NIPSNAP1: variants seen among roughly 807,000 people sequenced by gnomAD.
NIPSNAP1 encodes nipsnap homolog 1, also known as protein NipSnap homolog 1.
Under a neutral mutation model 49.2 loss-of-function variants are expected in NIPSNAP1, and 25 were observed. That is an observed-to-expected ratio of 0.51 (90% CI 0.37 to 0.71). The LOEUF is 0.71. Among genes scored for constraint, NIPSNAP1 ranks in the 30% least tolerant of loss-of-function variants. NIPSNAP1 has a pLI of 0.00. For synonymous variants in NIPSNAP1, 143 were observed against 140.7 expected (o/e 1.02, Z -0.12); for missense variants, 294 against 361.0 (o/e 0.81, Z 1.50).
rs2064289561 is a variant in NIPSNAP1 at position 29,555,764 on chromosome 22, G to A, written c.*171C>T. 1.5e-6 allele frequency: 1 copy of A among 685,960 alleles called. No individual in the cohort carries two copies. Among genetic ancestry groups the A allele is most frequent in the African/African-American group, 1.8e-5 (1 of 56,782 alleles). 42.5% of individuals were successfully genotyped at this position (685,960 alleles called of 1,614,324 possible). A position where few individuals can be genotyped will look rare whatever the true frequency, so the allele number is the denominator to read the frequency against. On this transcript the variant is annotated 3_prime_UTR_variant, in exon 10 of 10. Transcript: ENST00000216121. ...GGAAAGTAGAAAGGGCCTGGGCAGA[G>A]CTGTAATCCTCAGAACTTGTCAGCC...
At chr22:29,556,126 C>T (rs1002843622) in intron 9 of NIPSNAP1, 127 bp from the exon 10 acceptor site, 11 of 743,256 alleles carry the variant, frequency 1.5e-5, no homozygotes, top group Admixed American at 2.2e-5. Context: ...ACAGGAATGT[C>T]CCATTGCCCT....
intron 1 of NIPSNAP1, chr22:29,580,359 G>A: frequency 1.3e-6 from 1 of 792,182 alleles, no homozygotes; most frequent in Non-Finnish European, 1.5e-6. Context: ...CCCAGGCTGA[G>A]AGCACATGGC....
chr22:29,564,325 T>C (rs1394905737), intron 4 of NIPSNAP1: 1 of 470,606 alleles, frequency 2.1e-6, no homozygotes, highest in Non-Finnish European at 4.4e-6. Context: ...CCAAAGGAAA[T>C]GGCAAAAGTA....
In NIPSNAP1 at chr22:29,581,102, C is replaced by A. The variant is rs546245499; in HGVS notation, c.-20G>T. 7.2e-5 allele frequency: 111 copies of A among 1,538,950 alleles called. No homozygotes were observed. In the South Asian group the frequency reaches 1.3e-3, roughly 17 times the overall value. On this transcript the variant is annotated 5_prime_UTR_variant, in exon 1 of 10. Coordinates refer to ENST00000216121, the MANE Select transcript of NIPSNAP1 (RefSeq NM_003634.4). ...AGCCATGTTGGAGCCGCAAAGGTTG[C>A]AGGAAGGCCCCGCCCCCAAGCCCTG...
chr22:29,565,058 C>T (rs1387588147), intron 4 of NIPSNAP1, among the ~76,000 whole-genome samples: 3 of 151,882 alleles, frequency 2.0e-5, no homozygotes, highest in Non-Finnish European at 4.4e-5. Context: ...AAACAACTAG[C>T]CCAGGCATGG....
Position 29,569,438 on chromosome 22 carries a change from T to C in NIPSNAP1, c.273-151A>G, listed in dbSNP as rs1329919387. The C allele has an allele frequency of 1.7e-5, 12 of 688,892 alleles. No homozygotes were observed. In the Admixed American group the frequency reaches 2.2e-4, roughly 13 times the overall value. The allele number at this position is 688,892 out of a possible 1,614,324, so 42.7% of individuals were successfully genotyped here. A position where few individuals can be genotyped will look rare whatever the true frequency, so the allele number is the denominator to read the frequency against. On this transcript the variant is annotated intron_variant, in intron 3 of 9. Coordinates refer to ENST00000216121, the MANE Select transcript of NIPSNAP1 (RefSeq NM_003634.4). ...AGCTAGGCAAGAGGCCCTCAGGACT[T>C]CCGACACTGAAATTTACATCCTGGC...
At chr22:29,559,128 A>G (rs2064316368) in intron 8 of NIPSNAP1, among the ~76,000 whole-genome samples, 175 bp from the exon 9 acceptor site, 1 of 152,196 alleles carries the variant, frequency 6.6e-6, no homozygotes, top group Non-Finnish European at 1.5e-5. Flanking sequence ...CAATCAGTAC[A>G]TATGTTAATA....
Position 29,559,481 on chromosome 22 carries a change from G to T in NIPSNAP1, c.707-528C>A, listed in dbSNP as rs1032243428. Among the ~76,000 whole-genome samples the T allele has an allele frequency of 5.3e-5, 8 of 152,010 alleles. No individual in the cohort carries two copies. In the South Asian group the frequency reaches 1.7e-3, roughly 32 times the overall value. On this transcript the variant is annotated intron_variant, in intron 8 of 9. Transcript: ENST00000216121. Reference sequence around the variant, plus strand: ...GAACTTGGGAAGCGGAGGTTGCAGTGAGCTGAGATCACACTACTGCACTCC... The same window carrying T: ...GAACTTGGGAAGCGGAGGTTGCAGTTAGCTGAGATCACACTACTGCACTCC...
chr22:29,561,076 A>T lies in NIPSNAP1; in HGVS notation c.611+95T>A, dbSNP rs1464861451. 3 of 1,192,112 alleles carry T rather than the reference A, an allele frequency of 2.5e-6. No homozygotes were observed. The African/African-American group carries it at 4.5e-5, about 18-fold the overall frequency. The allele number at this position is 1,192,112 out of a possible 1,614,324, so 73.8% of individuals were successfully genotyped here. On this transcript the variant is annotated intron_variant, in intron 7 of 9. Coordinates refer to ENST00000216121, the MANE Select transcript of NIPSNAP1 (RefSeq NM_003634.4). Reference sequence around the variant, plus strand: ...GGCAGAAGGTAAAGAGTTCCCTGTGATATGGCCCTGGAAAAGGTGGCCCAC... The same window carrying T: ...GGCAGAAGGTAAAGAGTTCCCTGTGTTATGGCCCTGGAAAAGGTGGCCCAC...
In NIPSNAP1 at chr22:29,555,927, A is replaced by G; in HGVS notation, c.*8T>C. The G allele has an allele frequency of 6.4e-7, 1 of 1,551,162 alleles. No individual in the cohort carries two copies. The highest frequency in any genetic ancestry group is 8.7e-7 in the Non-Finnish European group (1 of 1,146,530). Reference sequence around the variant, plus strand: ...GAGAAGGGGAAGGAGGTGGAGGTGTAGGCAGCATCACTGCAGAGGCGAGAT... The same window carrying G: ...GAGAAGGGGAAGGAGGTGGAGGTGTGGGCAGCATCACTGCAGAGGCGAGAT... On this transcript the variant is annotated 3_prime_UTR_variant, in exon 10 of 10. Coordinates refer to ENST00000216121, the MANE Select transcript of NIPSNAP1 (RefSeq NM_003634.4).
chr22:29,559,357 A>G (rs1220006278), intron 8 of NIPSNAP1, among the ~76,000 whole-genome samples: 1 of 152,120 alleles, frequency 6.6e-6, no homozygotes. Context: ...TCTGGCCAAC[A>G]TAGCGAAACT....
chr22:29,573,990 T>C (rs1362482548), intron 1 of NIPSNAP1, among the ~76,000 whole-genome samples: 3 of 151,234 alleles, frequency 2.0e-5, no homozygotes, highest in Non-Finnish European at 4.4e-5. Context: ...GCATGGTGGC[T>C]CATGCCTGTA....
At position 29,570,396 on chromosome 22, in the gene NIPSNAP1, G is replaced by A; in HGVS notation, c.226+9C>T. On this transcript the variant is annotated intron_variant, in intron 2 of 9. Coordinates refer to ENST00000216121, the MANE Select transcript of NIPSNAP1 (RefSeq NM_003634.4). ...AGGGCAGAAATTGGTCAGCTCAGCA[G>A]CCACTCACACTGGATCTTATAGAGG... 1 of 1,614,008 alleles carries A rather than the reference G, an allele frequency of 6.2e-7. No individual in the cohort carries two copies. The highest frequency in any genetic ancestry group is 1.1e-5 in the South Asian group (1 of 91,072).
intron 1 of NIPSNAP1, among the ~76,000 whole-genome samples, chr22:29,574,672 G>A (rs537929598): frequency 1.3e-5 from 2 of 151,858 alleles, no homozygotes; most frequent in South Asian, 4.2e-4. Context: ...CCAGCTACTC[G>A]GGAGGCTGAG....
intron 1 of NIPSNAP1, among the ~76,000 whole-genome samples, chr22:29,573,940 AAAAC>A (rs1242908705): frequency 1.0e-5 from 1 of 96,074 alleles, no homozygotes; most frequent in Admixed American, 1.1e-4. Flanking sequence ...CCTGTCTCAA[AAAAC>A]AAAACAAAAC....
At chr22:29,564,001 C>T (rs1284203841) in intron 4 of NIPSNAP1, among the ~76,000 whole-genome samples, 5 of 152,168 alleles carry the variant, frequency 3.3e-5, no homozygotes, top group East Asian at 1.9e-4. Flanking sequence ...ACCCAGTTTG[C>T]GGTATGCTGG....
chr22:29,565,280 G>A (rs985184603), intron 4 of NIPSNAP1, among the ~76,000 whole-genome samples: 2 of 152,090 alleles, frequency 1.3e-5, no homozygotes, highest in Non-Finnish European at 1.5e-5. Flanking sequence ...GGGAGGCCGA[G>A]GCAGGTGGAT....
Position 29,555,920 on chromosome 22 carries a change from G to T in NIPSNAP1, c.*15C>A. The T allele has an allele frequency of 6.4e-7, 1 of 1,551,094 alleles. No homozygotes were observed. On this transcript the variant is annotated 3_prime_UTR_variant, in exon 10 of 10. Transcript: ENST00000216121. The stretch of plus-strand genomic sequence containing the variant: ...CCTGAGGGAGAAGGGGAAGGAGGTG[G>T]AGGTGTAGGCAGCATCACTGCAGAG...
At chr22:29,561,696 T>C in intron 5 of NIPSNAP1, 50 bp from the exon 6 acceptor site, 1 of 1,614,110 alleles carries the variant, frequency 6.2e-7, no homozygotes, top group South Asian at 1.1e-5. Context: ...CGCTCCATCC[T>C]GACAGTGTGC....
Sources: allele counts gnomAD v4.1 joint callset (sites outside exome capture counted in the v4.1 genomes callset), GRCh38; gene constraint gnomAD v4.1.1; transcripts MANE v1.5; gene names NCBI Gene and HGNC (gene_info 2026-07-23, HGNC 2026-07-21).